Variants in KNL1 observed in about 807,000 individuals in gnomAD.
The protein encoded by KNL1 is kinetochore scaffold 1, also known as outer kinetochore KNL1 complex subunit KNL1.
A neutral mutation model predicts 201.3 loss-of-function variants in KNL1; 66 were observed. The ratio of observed to expected loss-of-function variants is 0.33; its 90% CI spans 0.27 to 0.40. The LOEUF (loss-of-function observed/expected upper bound fraction) is 0.40. Ranked by LOEUF, KNL1 falls within the 10% of genes least tolerant of loss-of-function variation. The probability of loss-of-function intolerance (pLI) is 1.00; values close to 1 mark genes in which losing one functional copy is unlikely to be tolerated. For synonymous variants in KNL1, 895 were observed against 899.2 expected (o/e 1.00, Z 0.08); for missense variants, 2,815 against 2,690.5 (o/e 1.05, Z -1.02).
chr15:40,640,875 A>G, intron 13 of KNL1, 37 bp from the exon 14 acceptor site: 1 of 1,198,184 alleles, frequency 8.3e-7, no homozygotes, highest in Non-Finnish European at 1.2e-6. Flanking sequence ...TTTGTCTGCA[A>G]GATACCAGTT....
In KNL1 at chr15:40,621,931, C is replaced by A. The variant is rs1470199781; in HGVS notation, c.1667C>A (p.Ser556Tyr). The change falls in exon 10 of 26, where the codon TCT (serine) becomes TAT (tyrosine). Residue 556 changes from serine to tyrosine, a missense_variant. Coordinates refer to ENST00000399668, the MANE Select transcript of KNL1 (RefSeq NM_144508.5). Reference protein sequence around the residue: ...RIQQSLSNPLSISLTDRKTEL... With the variant: ...RIQQSLSNPLYISLTDRKTEL... ...CAGCAGAGCCTGTCAAATCCTTTGT[C>A]TATTTCATTGACTGATAGAAAGACT... 6.2e-7 allele frequency: 1 copy of A among 1,613,432 alleles called. No individual in the cohort carries two copies. The highest frequency in any genetic ancestry group is 1.3e-5 in the African/African-American group (1 of 74,916).
chr15:40,615,077 A>C (rs908127618), intron 7 of KNL1, among the ~76,000 whole-genome samples: 4 of 152,196 alleles, frequency 2.6e-5, no homozygotes, highest in African/African-American at 7.2e-5. Context: ...ATATTCTTGA[A>C]ATTAGCAAAC....
At position 40,620,739 on chromosome 15, in the gene KNL1, G is replaced by A. The variant is rs775322082; in HGVS notation, c.475G>A (p.Val159Ile). Residue 159 changes from valine to isoleucine, a missense_variant, in exon 10 of 26, where the codon GTA (valine) becomes ATA (isoleucine). By Grantham distance (29) the Val-to-Ile change is conservative. Coordinates refer to ENST00000399668, the MANE Select transcript of KNL1 (RefSeq NM_144508.5). ...GATGGACCTGACATCAAGTCACACT[G>A]TAATGATTACCAAAGGCCTTTTAGA... is the stretch of plus-strand genomic sequence containing the variant. ...NQMDLTSSHT[V>I]MITKGLLDNP... 7 of 1,612,538 alleles carry A rather than the reference G, an allele frequency of 4.3e-6. No homozygotes were observed. Among genetic ancestry groups the A allele is most frequent in the Admixed American group, 1.7e-5 (1 of 59,660 alleles).
At position 40,625,354 on chromosome 15, in the gene KNL1, G is replaced by A; in HGVS notation, c.5090G>A (p.Gly1697Glu). 3 of 1,613,996 alleles carry A rather than the reference G, an allele frequency of 1.9e-6. No homozygotes were observed. The highest frequency in any genetic ancestry group is 1.7e-6 in the Non-Finnish European group (2 of 1,179,968). Residue 1697 changes from glycine (G) to glutamate (E), a missense_variant, in exon 10 of 26, where the codon GGA (glycine) becomes GAA (glutamate). Transcript: ENST00000399668. ...GTCTCTAGCAAAGATTCAGGCATTG[G>A]ATCTGTTGCAGGTAAACTGAACCTA... ...QPVSSKDSGIGSVAGKLNLSP... is the reference protein window; with the variant it reads ...QPVSSKDSGIESVAGKLNLSP...
chr15:40,662,545 C>T lies in KNL1; in HGVS notation c.*357C>T. The T allele has an allele frequency of 4.3e-6, 1 of 230,096 alleles. No homozygotes were observed. The highest frequency in any genetic ancestry group is 8.6e-6 in the Non-Finnish European group (1 of 116,876). 14.3% of individuals were successfully genotyped at this position (230,096 alleles called of 1,614,324 possible). On this transcript the variant is annotated 3_prime_UTR_variant, in exon 26 of 26. Coordinates refer to ENST00000399668, the MANE Select transcript of KNL1 (RefSeq NM_144508.5). ...CTGACAAGAACATTAGCCATTTTCCCATAACTAGATAGAGCTATGATTTTT... is the reference window on the plus strand; with the variant it reads ...CTGACAAGAACATTAGCCATTTTCCTATAACTAGATAGAGCTATGATTTTT...
chr15:40,601,861 T>C (rs1020224887), intron 1 of KNL1, among the ~76,000 whole-genome samples: 2 of 101,762 alleles, frequency 2.0e-5, no homozygotes, highest in African/African-American at 8.6e-5. Flanking sequence ...AAATGCATCT[T>C]TTTTTTTTTT....
At chr15:40,643,538 G>A (rs910793031) in intron 14 of KNL1, among the ~76,000 whole-genome samples, 1 of 152,150 alleles carries the variant, frequency 6.6e-6, no homozygotes, top group Non-Finnish European at 1.5e-5. Context: ...CTAGCTACTC[G>A]GGAGGCTAAG....
In KNL1 at chr15:40,594,406, CTCTT is replaced by C. The variant is rs1891557879; in HGVS notation, c.-18+17_-18+20del. On this transcript the variant is annotated intron_variant, in intron 1 of 25. Transcript: ENST00000399668. ...TTGCCGCGGCAGGTAAAGAGAATGA[CTCTT>C]TCGTTCTGGGCTTCAGGGAAGGCTT... is the stretch of plus-strand genomic sequence containing the variant. 6.6e-6 allele frequency: 1 copy of C among 152,288 alleles called. No individual in the cohort carries two copies. The highest frequency in any genetic ancestry group is 1.5e-5 in the Non-Finnish European group (1 of 68,074). The allele number at this position is 152,288 out of a possible 1,614,324, so 9.4% of individuals were successfully genotyped here. A position where few individuals can be genotyped will look rare whatever the true frequency, so the allele number is the denominator to read the frequency against.
rs369348708 is a variant in KNL1, at chr15:40,623,706, A to T, written c.3442A>T (p.Ile1148Phe). 6.2e-7 allele frequency: 1 copy of T among 1,614,020 alleles called. No individual in the cohort carries two copies. Residue 1148 changes from isoleucine (I) to phenylalanine (F), a missense_variant, in exon 10 of 26, where the codon ATT becomes TTT. Physicochemically the swap from Ile to Phe is conservative, Grantham distance 21. Transcript: ENST00000399668. Reference protein sequence around the residue: ...CKTLLPNEIAIRPMDKTVLFT... With the variant: ...CKTLLPNEIAFRPMDKTVLFT... ...AACTCTCCTGCCAAATGAAATAGCTATTAGGCCCATGGACAAAACCGTATT... is the reference window on the plus strand; with the variant it reads ...AACTCTCCTGCCAAATGAAATAGCTTTTAGGCCCATGGACAAAACCGTATT...
chr15:40,618,880 CTGA>C (rs1892427122), intron 8 of KNL1, 76 bp from the exon 9 acceptor site: 1 of 852,758 alleles, frequency 1.2e-6, no homozygotes, highest in African/African-American at 1.7e-5. Flanking sequence ...ATACTTGTAA[CTGA>C]TGAAGAACCT....
rs10706227 is a variant in KNL1, at chr15:40,611,108, AT to A, written c.251-356del. ...AGTAATTTTTTAAAAATTTTATTGT[AT>A]TTTTTTTTTTTTTGAGACAGAGTCT... On this transcript the variant is annotated intron_variant, in intron 6 of 25. Coordinates refer to ENST00000399668, the MANE Select transcript of KNL1 (RefSeq NM_144508.5). Among the ~76,000 whole-genome samples the A allele has an allele frequency of 0.81, 116,418 of 143,196 alleles. 48,157 individuals carry two copies. The highest frequency in any genetic ancestry group is 0.89 in the African/African-American group (34,618 of 38,758). 93.9% of individuals were successfully genotyped at this position (143,196 alleles called of 152,430 possible).
chr15:40,611,867 A>C (rs561720040), intron 7 of KNL1, among the ~76,000 whole-genome samples: 3 of 152,266 alleles, frequency 2.0e-5, no homozygotes, highest in African/African-American at 7.2e-5. Flanking sequence ...TCATAAGAGA[A>C]GTACAGATTT....
At chr15:40,595,542 A>T (rs907824312) in intron 1 of KNL1, among the ~76,000 whole-genome samples, 3 of 152,218 alleles carry the variant, frequency 2.0e-5, no homozygotes, top group Non-Finnish European at 4.4e-5. Flanking sequence ...AATACATGTA[A>T]ATTGAATTAA....
intron 2 of KNL1, among the ~76,000 whole-genome samples, chr15:40,603,920 A>T (rs955081052): frequency 3.3e-5 from 5 of 152,228 alleles, no homozygotes; most frequent in African/African-American, 1.2e-4. Flanking sequence ...TTGTCAGGTC[A>T]TTGCCATGGA....
intron 17 of KNL1, 153 bp from the exon 18 acceptor site, chr15:40,650,148 C>A: frequency 7.8e-6 from 4 of 515,888 alleles, no homozygotes; most frequent in African/African-American, 2.0e-5. Flanking sequence ...AAATAGAAAC[C>A]ATCAGACTAG....
At chr15:40,648,070 A>G (rs1470479866) in intron 17 of KNL1, among the ~76,000 whole-genome samples, 1 of 151,798 alleles carries the variant, frequency 6.6e-6, no homozygotes, top group Non-Finnish European at 1.5e-5. Flanking sequence ...TAGTATCAGA[A>G]AATAAATAAA....
intron 13 of KNL1, among the ~76,000 whole-genome samples, chr15:40,637,639 G>A (rs1299101564): frequency 6.6e-6 from 1 of 152,188 alleles, no homozygotes; most frequent in East Asian, 1.9e-4. Context: ...AGGAATGGTG[G>A]TGATGCTGAA....
chr15:40,615,913 C>G (rs1267035484), intron 8 of KNL1: 1 of 150,962 alleles, frequency 6.6e-6, no homozygotes, highest in Non-Finnish European at 1.5e-5. Flanking sequence ...TACAGGCGCC[C>G]GCCACCACGC....
In KNL1 at chr15:40,662,875, A is replaced by T. The variant is rs1221451850; in HGVS notation, c.*687A>T. The T allele has an allele frequency of 5.7e-6, 1 of 176,416 alleles. No homozygotes were observed. Among genetic ancestry groups the T allele is most frequent in the Non-Finnish European group, 1.2e-5 (1 of 81,998 alleles). 10.9% of individuals were successfully genotyped at this position (176,416 alleles called of 1,614,324 possible). A position where few individuals can be genotyped will look rare whatever the true frequency, so the allele number is the denominator to read the frequency against. On this transcript the variant is annotated 3_prime_UTR_variant, in exon 26 of 26. Coordinates refer to ENST00000399668, the MANE Select transcript of KNL1 (RefSeq NM_144508.5). ...CTTAGGAGCTTAAGGCAGGAGGATC[A>T]CTTGAGCCCAGGAGGCAGAGGTTGC...
Sources: gnomAD v4.1 joint callset for allele counts (sites outside exome capture counted in the v4.1 genomes callset) on GRCh38, gnomAD v4.1.1 for gene constraint, MANE v1.5 for transcripts, NCBI Gene and HGNC (gene_info 2026-07-23, HGNC 2026-07-21) for gene names.